PDGFC: variants seen among roughly 807,000 people sequenced by gnomAD.
PDGFC encodes the protein platelet derived growth factor C, also known as platelet-derived growth factor C.
A neutral mutation model predicts 35.5 loss-of-function variants in PDGFC; 12 were observed. The observed-to-expected ratio is 0.34, with a 90% confidence interval of 0.22 to 0.55. The LOEUF is 0.55. PDGFC is among the 20% of genes least tolerant of loss of function. The pLI is 0.91. For missense variants in PDGFC, 322 were observed against 412.4 expected, an observed-to-expected ratio of 0.78 and a Z score of 1.90; for synonymous variants, 159 against 148.8, an observed-to-expected ratio of 1.07 and a Z score of -0.50.
intron 5 of PDGFC, among the ~76,000 whole-genome samples, 153 bp from the exon 6 acceptor site, chr4:156,763,359 C>T (rs1305801733): frequency 7.0e-6 from 1 of 142,850 alleles, no homozygotes; most frequent in Non-Finnish European, 1.5e-5. Context: ...AAACACTCTC[C>T]CACCAAAAAA....
In PDGFC at chr4:156,773,940, C is replaced by T. The variant is rs1004646500; in HGVS notation, c.496-1047G>A. Among the ~76,000 whole-genome samples, 7 of 152,300 alleles carry T rather than the reference C, an allele frequency of 4.6e-5. No individual in the cohort carries two copies. The East Asian group carries it at 1.2e-3, about 25-fold the overall frequency. Reference sequence around the variant, plus strand: ...AACACATCGGCTCTTCCTTTTCATTCTCATTACTTCCATCCTGGGCTCCAT... The same window carrying T: ...AACACATCGGCTCTTCCTTTTCATTTTCATTACTTCCATCCTGGGCTCCAT... On this transcript the variant is annotated intron_variant, in intron 3 of 5. Coordinates refer to ENST00000502773, the MANE Select transcript of PDGFC (RefSeq NM_016205.3).
intron 5 of PDGFC, 105 bp from the exon 6 acceptor site, chr4:156,763,311 G>A: frequency 1.9e-5 from 9 of 466,428 alleles, no homozygotes; most frequent in South Asian, 3.4e-5. Flanking sequence ...GCCCAAGAAA[G>A]ACACATATTT....
intron 3 of PDGFC, among the ~76,000 whole-genome samples, chr4:156,781,131 A>T (rs1480811525): frequency 1.3e-5 from 2 of 151,998 alleles, no homozygotes; most frequent in Non-Finnish European, 2.9e-5. Flanking sequence ...ACACATTATT[A>T]CCATTTCAGT....
chr4:156,837,691 A>G (rs1163127876), intron 2 of PDGFC, among the ~76,000 whole-genome samples: 1 of 152,298 alleles, frequency 6.6e-6, no homozygotes. Flanking sequence ...TTTGTGCAAT[A>G]TCAAACAGAC....
At chr4:156,952,062 G>C (rs1732097309) in intron 1 of PDGFC, among the ~76,000 whole-genome samples, 1 of 151,792 alleles carries the variant, frequency 6.6e-6, no homozygotes, top group Non-Finnish European at 1.5e-5. Context: ...AAAACAAAAT[G>C]TGTCCTCTTT....
chr4:156,882,259 T>C (rs1730262691), intron 1 of PDGFC, among the ~76,000 whole-genome samples: 1 of 152,186 alleles, frequency 6.6e-6, no homozygotes, highest in African/African-American at 2.4e-5. Context: ...GAATTTTGTG[T>C]AGTTATTCAT....
intron 2 of PDGFC, among the ~76,000 whole-genome samples, chr4:156,822,023 T>C (rs1467617665): frequency 6.6e-6 from 1 of 152,130 alleles, no homozygotes; most frequent in African/African-American, 2.4e-5. Context: ...ATCAAAAATT[T>C]TTCTTTAAGA....
At chr4:156,897,657 A>G (rs1464507354) in intron 1 of PDGFC, among the ~76,000 whole-genome samples, 2 of 152,212 alleles carry the variant, frequency 1.3e-5, no homozygotes, top group East Asian at 3.8e-4. Flanking sequence ...TTTGTAATCA[A>G]TATCTACATT....
chr4:156,862,768 C>T (rs924317468), intron 1 of PDGFC, among the ~76,000 whole-genome samples: 4 of 150,528 alleles, frequency 2.7e-5, no homozygotes, highest in African/African-American at 9.8e-5. Flanking sequence ...AGTCTCTGCT[C>T]ACTGCAACCT....
At chr4:156,883,919 T>G (rs1730314038) in intron 1 of PDGFC, among the ~76,000 whole-genome samples, 1 of 152,202 alleles carries the variant, frequency 6.6e-6, no homozygotes. Flanking sequence ...TCCATGTATA[T>G]CCTCAAGATA....
intron 1 of PDGFC, among the ~76,000 whole-genome samples, chr4:156,962,128 A>G (rs371490686): frequency 6.6e-6 from 1 of 152,080 alleles, no homozygotes; most frequent in Non-Finnish European, 1.5e-5. Context: ...TTAACTGTCA[A>G]CCCTGCAGGA....
chr4:156,856,991 T>C (rs971900219), intron 1 of PDGFC, among the ~76,000 whole-genome samples: 2 of 151,964 alleles, frequency 1.3e-5, no homozygotes, highest in Admixed American at 1.3e-4. Flanking sequence ...ATGCCACAGT[T>C]GTAGTCATTA....
At chr4:156,874,987 G>A (rs547594939) in intron 1 of PDGFC, among the ~76,000 whole-genome samples, 1 of 151,872 alleles carries the variant, frequency 6.6e-6, no homozygotes, top group Non-Finnish European at 1.5e-5. Flanking sequence ...CAAAGTGCTG[G>A]GATTACAAGC....
chr4:156,931,211 G>T (rs1731542396), intron 1 of PDGFC, among the ~76,000 whole-genome samples: 1 of 152,062 alleles, frequency 6.6e-6, no homozygotes, highest in Admixed American at 6.6e-5. Context: ...TTGTATTAGG[G>T]GTAAAATGGC....
In PDGFC at chr4:156,953,982, T is replaced by C. The variant is rs1248668032; in HGVS notation, c.118+16804A>G. Among the ~76,000 whole-genome samples, 2 of 151,946 alleles carry C rather than the reference T, an allele frequency of 1.3e-5. 1 individual carries two copies. The highest frequency in any genetic ancestry group is 1.3e-4 in the Admixed American group (2 of 15,222). On this transcript the variant is annotated intron_variant, in intron 1 of 5. Transcript: ENST00000502773. ...AATTAAGACAATTCACTCTGCCTCA[T>C]ATAGAGAAACAAAATGAACATGAAA...
intron 2 of PDGFC, among the ~76,000 whole-genome samples, chr4:156,818,858 TTA>T (rs1222525647): frequency 9.9e-5 from 15 of 152,160 alleles, no homozygotes; most frequent in African/African-American, 3.6e-4. Context: ...ACTTGAACTC[TTA>T]GAGGCCATTT....
At chr4:156,816,067 G>A (rs984374778) in intron 2 of PDGFC, among the ~76,000 whole-genome samples, 6 of 152,164 alleles carry the variant, frequency 3.9e-5, no homozygotes, top group Non-Finnish European at 8.8e-5. Flanking sequence ...GAATTTTAAG[G>A]AGTATACCAA....
chr4:156,807,046 G>GA (rs1242994305), intron 3 of PDGFC, among the ~76,000 whole-genome samples: 2 of 151,104 alleles, frequency 1.3e-5, no homozygotes, highest in African/African-American at 2.4e-5. Context: ...AGCAGAAAGG[G>GA]AAAAAAATCA....
chr4:156,910,447 C>G (rs977589183), intron 1 of PDGFC, among the ~76,000 whole-genome samples: 1 of 152,086 alleles, frequency 6.6e-6, no homozygotes, highest in Non-Finnish European at 1.5e-5. Context: ...TTCTTGAAAG[C>G]CATTTAGGCT....
Sources: allele counts gnomAD v4.1 joint callset (sites outside exome capture counted in the v4.1 genomes callset), GRCh38; gene constraint gnomAD v4.1.1; transcripts MANE v1.5; gene names NCBI Gene and HGNC (gene_info 2026-07-23, HGNC 2026-07-21).